AMBRA1: variants seen among roughly 807,000 people sequenced by gnomAD.
The protein encoded by AMBRA1 is autophagy and beclin 1 regulator 1.
Under a neutral mutation model 125.4 loss-of-function variants are expected in AMBRA1, and 47 were observed. The ratio of observed to expected loss-of-function variants is 0.37; its 90% CI spans 0.30 to 0.48. AMBRA1 has a LOEUF of 0.48. Ranked by LOEUF, AMBRA1 falls within the 20% of genes least tolerant of loss-of-function variation. The pLI, the probability that AMBRA1 is intolerant of heterozygous loss-of-function variation, is 0.99. For synonymous variants in AMBRA1, 626 were observed against 655.5 expected (o/e 0.95, Z 0.69); for missense variants, 1,331 against 1,693.4 (o/e 0.79, Z 3.76).
intron 1 of AMBRA1, among the ~76,000 whole-genome samples, chr11:46,553,741 T>C (rs2043084194): frequency 6.6e-6 from 1 of 150,580 alleles, no homozygotes. Flanking sequence ...TGAGACTCCA[T>C]CTCAAAAAAA....
chr11:46,577,470 T>C (rs780404056), intron 1 of AMBRA1, among the ~76,000 whole-genome samples: 15 of 152,106 alleles, frequency 9.9e-5, no homozygotes, highest in Non-Finnish European at 1.8e-4. Flanking sequence ...AAGGGCAGAA[T>C]AAGGACAAAC....
chr11:46,438,651 C>A (rs1400671483), intron 12 of AMBRA1, among the ~76,000 whole-genome samples: 1 of 152,170 alleles, frequency 6.6e-6, no homozygotes, highest in Non-Finnish European at 1.5e-5. Context: ...CATAAACACT[C>A]CCTGAAGGCA....
At chr11:46,491,143 A>ATTATTCTATTT (rs1950445653) in intron 11 of AMBRA1, 1 of 152,238 alleles carries the variant, frequency 6.6e-6, no homozygotes, top group South Asian at 2.1e-4. Flanking sequence ...GAACCATTTA[A>ATTATTCTATTT]ATAGAATAAT....
In AMBRA1 at chr11:46,543,169, C is replaced by T. The variant is rs1445642799; in HGVS notation, c.848G>A (p.Arg283Lys). ...TCGGAGCCTGATGTAAGCGGAAGTC[C>T]TGGGGCGCTCCGTGGAGGGCTGAGG... ...PPPQPSTERP[R>K]TSAYIRLRQR... The change falls in exon 7 of 18, where the codon AGG (arginine) becomes AAG (lysine). Residue 283 changes from arginine to lysine, a missense_variant. Physicochemically the swap from Arg to Lys is conservative, Grantham distance 26 (BLOSUM62 2). This residue lies in a region of AMBRA1 where 689 missense variants were observed against 776.5 expected (regional missense o/e 0.89). Transcript: ENST00000683756. 1 of 1,557,856 alleles carries T rather than the reference C, an allele frequency of 6.4e-7. No individual in the cohort carries two copies. The highest frequency in any genetic ancestry group is 1.9e-5 in the Admixed American group (1 of 52,154).
At chr11:46,575,124 C>T (rs7481312) in intron 1 of AMBRA1, among the ~76,000 whole-genome samples, 31,707 of 152,076 alleles carry the variant, frequency 0.21, 3,967 homozygotes, top group African/African-American at 0.35. Flanking sequence ...CCAGTGGTAT[C>T]AGTAACTCCC....
At chr11:46,522,109 T>C (rs916909809) in intron 7 of AMBRA1, among the ~76,000 whole-genome samples, 3 of 152,140 alleles carry the variant, frequency 2.0e-5, no homozygotes, top group African/African-American at 4.8e-5. Flanking sequence ...AATGTATACA[T>C]AGTGTGCAAT....
chr11:46,579,192 T>C (rs541940979), intron 1 of AMBRA1, among the ~76,000 whole-genome samples: 2 of 152,110 alleles, frequency 1.3e-5, no homozygotes, highest in African/African-American at 4.8e-5. Context: ...GCATGGTGGC[T>C]CACGCCTGTA....
chr11:46,464,566 A>G (rs1411837255), intron 11 of AMBRA1, among the ~76,000 whole-genome samples: 3 of 152,140 alleles, frequency 2.0e-5, no homozygotes, highest in African/African-American at 7.2e-5. Flanking sequence ...GCATGTGTTC[A>G]TGAGTGTGTT....
In AMBRA1 at chr11:46,397,852, C is replaced by G; in HGVS notation, c.3495G>C (p.Gln1165His). 1 of 1,601,578 alleles carries G rather than the reference C, an allele frequency of 6.2e-7. No individual in the cohort carries two copies. Among genetic ancestry groups the G allele is most frequent in the Non-Finnish European group, 8.5e-7 (1 of 1,179,948 alleles). ...MAEGGMTAVV[Q>H]REQSTTMASM... ...AGGCCATGGTGGTGCTCTGCTCCCG[C>G]TGCACCACGGCTGTCATGCCGCCCT... is the stretch of plus-strand genomic sequence containing the variant. The change falls in exon 18 of 18, where the codon CAG (glutamine) becomes CAC (histidine). Residue 1165 changes from glutamine to histidine, a missense_variant. By Grantham distance (24) the Gln-to-His change is conservative. Around this residue, in one of 4 missense-constraint regions of AMBRA1, gnomAD observed 354 missense variants for 532.7 expected, o/e 0.66. Coordinates refer to ENST00000683756, the MANE Select transcript of AMBRA1 (RefSeq NM_001387011.1).
chr11:46,507,806 T>C (rs904637835), intron 9 of AMBRA1, among the ~76,000 whole-genome samples: 1 of 152,160 alleles, frequency 6.6e-6, no homozygotes, highest in African/African-American at 2.4e-5. Flanking sequence ...ACAGCTACTC[T>C]GCTTAGGAGA....
intron 9 of AMBRA1, among the ~76,000 whole-genome samples, chr11:46,497,324 A>G (rs1238252117): frequency 1.3e-5 from 2 of 152,190 alleles, no homozygotes; most frequent in African/African-American, 4.8e-5. Flanking sequence ...GCTGGCTCAA[A>G]TACACGCAGT....
chr11:46,397,730 G>C lies in AMBRA1; in HGVS notation c.3617C>G (p.Pro1206Arg). The part of the protein sequence containing the change: ...TEPGAAHTSS[P>R]QPSTSRGLLP... The stretch of plus-strand genomic sequence containing the variant: ...CAGTCCCCGAGAGGTGGAGGGCTGG[G>C]GTGAGGAGGTGTGGGCGGCACCAGG... The change falls in exon 18 of 18, where the codon CCC (proline) becomes CGC (arginine). Residue 1206 changes from proline (P) to arginine (R), a missense_variant. By Grantham distance (103) the Pro-to-Arg change is moderately radical. Around this residue, in one of 4 missense-constraint regions of AMBRA1, gnomAD observed 144 missense variants for 133.9 expected, o/e 1.08. Transcript: ENST00000683756. The C allele has an allele frequency of 6.2e-7, 1 of 1,613,172 alleles. No homozygotes were observed. The highest frequency in any genetic ancestry group is 8.5e-7 in the Non-Finnish European group (1 of 1,179,990).
At chr11:46,590,196 C>T (rs2044546938) in intron 1 of AMBRA1, among the ~76,000 whole-genome samples, 1 of 151,848 alleles carries the variant, frequency 6.6e-6, no homozygotes, top group Non-Finnish European at 1.5e-5. Context: ...CACGGTGAAA[C>T]CCCATTTCTA....
intron 1 of AMBRA1, among the ~76,000 whole-genome samples, chr11:46,583,650 TCCAA>T (rs1261870072): frequency 7.7e-4 from 14 of 18,074 alleles, no homozygotes; most frequent in Non-Finnish European, 2.5e-3. Context: ...CAAACAAATT[TCCAA>T]AAAAAAAAAA....
At chr11:46,571,061 C>T (rs1235590986) in intron 1 of AMBRA1, among the ~76,000 whole-genome samples, 1 of 152,218 alleles carries the variant, frequency 6.6e-6, no homozygotes, top group Non-Finnish European at 1.5e-5. Flanking sequence ...TTGAAAACTC[C>T]AGCTATCTTC....
chr11:46,513,572 G>C (rs1951358151), intron 7 of AMBRA1, among the ~76,000 whole-genome samples: 1 of 152,154 alleles, frequency 6.6e-6, no homozygotes, highest in Admixed American at 6.5e-5. Context: ...AAGTTAAAGT[G>C]TATCACTCTG....
In AMBRA1 at chr11:46,593,964, C is replaced by A. The variant is rs1364160013; in HGVS notation, c.-257G>T. On this transcript the variant is annotated 5_prime_UTR_variant, in exon 1 of 18. Transcript: ENST00000683756. ...AGAAGGCGGCTTGAGCGCGGGGCCTCGCGGACAACTCAGCCCTCGACCCGG... is the reference window on the plus strand; with the variant it reads ...AGAAGGCGGCTTGAGCGCGGGGCCTAGCGGACAACTCAGCCCTCGACCCGG... 2.5e-6 allele frequency: 1 copy of A among 398,524 alleles called. No homozygotes were observed. The highest frequency in any genetic ancestry group is 4.4e-5 in the Admixed American group (1 of 22,716). The allele number at this position is 398,524 out of a possible 1,614,324, so 24.7% of individuals were successfully genotyped here.
chr11:46,495,819 C>T (rs1174075919), intron 9 of AMBRA1, among the ~76,000 whole-genome samples: 1 of 152,154 alleles, frequency 6.6e-6, no homozygotes, highest in East Asian at 1.9e-4. Flanking sequence ...TTCATGATAG[C>T]TTTTCATTAT....
At chr11:46,580,925 G>A (rs935292267) in intron 1 of AMBRA1, among the ~76,000 whole-genome samples, 4 of 151,994 alleles carry the variant, frequency 2.6e-5, no homozygotes, top group Non-Finnish European at 5.9e-5. Flanking sequence ...TTGAGTAGCT[G>A]TAAGCACAGG....
Sources: allele counts gnomAD v4.1 joint callset (sites outside exome capture counted in the v4.1 genomes callset), GRCh38; gene constraint gnomAD v4.1.1; regional missense constraint gnomAD v4.1.1; transcripts MANE v1.5; gene names NCBI Gene and HGNC (gene_info 2026-07-23, HGNC 2026-07-21).